The following CSMD1 variants were observed in gnomAD, a reference collection of about 807,000 sequenced individuals.
The protein encoded by CSMD1 is CUB and sushi domain-containing protein 1.
CSMD1 carries 213 observed loss-of-function variants against 417.5 expected under a neutral mutation model. The ratio of observed to expected loss-of-function variants is 0.51; its 90% CI spans 0.46 to 0.57. The LOEUF is 0.57. Ranked by LOEUF, CSMD1 falls within the 20% of genes least tolerant of loss-of-function variation. The pLI is 0.00. For missense variants in CSMD1, 6,923 were observed against 4,529.7 expected, an observed-to-expected ratio of 1.53 and a Z score of -15.17; for synonymous variants, 2,862 against 1,736.8, an observed-to-expected ratio of 1.65 and a Z score of -16.11.
chr8:4,854,336 C>G (rs1198998470), intron 1 of CSMD1, among the ~76,000 whole-genome samples: 1 of 152,160 alleles, frequency 6.6e-6, no homozygotes, highest in African/African-American at 2.4e-5. Flanking sequence ...AAATGGCTTC[C>G]TGCTGTCCTC....
chr8:3,949,323 G>C (rs1462585651), intron 5 of CSMD1, among the ~76,000 whole-genome samples: 1 of 152,096 alleles, frequency 6.6e-6, no homozygotes, highest in Non-Finnish European at 1.5e-5. Context: ...TCACTGAAAT[G>C]TTGTAGCCTC....
chr8:4,393,866 C>T (rs1411419015), intron 3 of CSMD1, among the ~76,000 whole-genome samples: 1 of 152,156 alleles, frequency 6.6e-6, no homozygotes, highest in Admixed American at 6.6e-5. Context: ...ACATGGAGCA[C>T]ACGGAACAAC....
intron 25 of CSMD1, among the ~76,000 whole-genome samples, chr8:3,294,278 C>T (rs1803798426): frequency 2.0e-5 from 3 of 152,228 alleles, no homozygotes; most frequent in Admixed American, 2.0e-4. Context: ...TCAGGGACCC[C>T]CTTGAGGAGG....
At chr8:3,232,842 A>G (rs941227645) in intron 26 of CSMD1, among the ~76,000 whole-genome samples, 4 of 152,008 alleles carry the variant, frequency 2.6e-5, no homozygotes, top group African/African-American at 9.7e-5. Context: ...GACTTTCTAG[A>G]AATTTCAGTA....
chr8:3,137,509 A>C (rs1415503340), intron 41 of CSMD1, among the ~76,000 whole-genome samples: 1 of 152,230 alleles, frequency 6.6e-6, no homozygotes, highest in South Asian at 2.1e-4. Flanking sequence ...CGTCACCTTC[A>C]TGCAGTGTAT....
intron 3 of CSMD1, among the ~76,000 whole-genome samples, chr8:4,239,092 T>C (rs1040859748): frequency 2.0e-5 from 3 of 152,200 alleles, no homozygotes; most frequent in Admixed American, 1.3e-4. Context: ...TTATGTCACA[T>C]AGTATTTTCT....
At chr8:4,398,584 A>T (rs1253537151) in intron 3 of CSMD1, among the ~76,000 whole-genome samples, 1 of 151,400 alleles carries the variant, frequency 6.6e-6, no homozygotes, top group Non-Finnish European at 1.5e-5. Flanking sequence ...TTTAGTAGAG[A>T]CGGGGTTTCA....
chr8:4,980,496 G>A (rs1178620257), intron 1 of CSMD1, among the ~76,000 whole-genome samples: 5 of 152,220 alleles, frequency 3.3e-5, no homozygotes, highest in African/African-American at 1.2e-4. Flanking sequence ...ACTGTAAAAT[G>A]AAAGGAGAAT....
chr8:4,682,030 T>C (rs989323596), intron 1 of CSMD1, among the ~76,000 whole-genome samples: 11 of 152,188 alleles, frequency 7.2e-5, no homozygotes, highest in Admixed American at 6.5e-4. Flanking sequence ...TTTGTTGTTG[T>C]TATTTTGAGA....
At chr8:4,032,231 G>A (rs532720112) in intron 3 of CSMD1, 132 bp from the exon 4 acceptor site, 15 of 629,062 alleles carry the variant, frequency 2.4e-5, no homozygotes, top group African/African-American at 2.0e-4. Flanking sequence ...AATATTAATT[G>A]TTGCTAAAAA....
intron 12 of CSMD1, among the ~76,000 whole-genome samples, chr8:3,467,068 G>A (rs960308002): frequency 6.6e-6 from 1 of 152,236 alleles, no homozygotes; most frequent in East Asian, 1.9e-4. Flanking sequence ...AGCCATCTCA[G>A]GGTGGCTACT....
At chr8:2,945,759 C>A (rs987900475) in intron 68 of CSMD1, among the ~76,000 whole-genome samples, 9 of 152,104 alleles carry the variant, frequency 5.9e-5, no homozygotes. Flanking sequence ...TCCTTCCACA[C>A]GTTATTATTG....
chr8:4,744,271 T>C (rs1360370348), intron 1 of CSMD1, among the ~76,000 whole-genome samples: 1 of 152,130 alleles, frequency 6.6e-6, no homozygotes, highest in Non-Finnish European at 1.5e-5. Flanking sequence ...GGCTTGAACT[T>C]TGCCTTTTTA....
chr8:3,162,091 T>C, intron 38 of CSMD1, 68 bp downstream of exon 38: 1 of 997,908 alleles, frequency 1.0e-6, no homozygotes, highest in Non-Finnish European at 1.6e-6. Flanking sequence ...GTGAGGGCTT[T>C]GGCTTTAAGA....
rs373027189 is a variant in CSMD1 at position 4,384,328 on chromosome 8, G to A, written c.415+35625C>T. On this transcript the variant is annotated intron_variant, in intron 3 of 69. Coordinates refer to ENST00000635120, the MANE Select transcript of CSMD1 (RefSeq NM_033225.6). Reference sequence around the variant, plus strand: ...AGGGCAGTTCCGAAATCTACCTCATGGCAACGCACACACCACAATGCAACG... The same window carrying A: ...AGGGCAGTTCCGAAATCTACCTCATAGCAACGCACACACCACAATGCAACG... Among the ~76,000 whole-genome samples, 11 of 152,146 alleles carry A rather than the reference G, an allele frequency of 7.2e-5. No individual in the cohort carries two copies. The East Asian group carries it at 1.2e-3, about 16-fold the overall frequency.
chr8:4,188,532 G>A (rs1798817680), intron 3 of CSMD1, among the ~76,000 whole-genome samples: 2 of 152,080 alleles, frequency 1.3e-5, no homozygotes. Flanking sequence ...TTTATTTGAG[G>A]CTGTCTTTAG....
At chr8:4,621,159 T>G (rs9650517) in intron 2 of CSMD1, among the ~76,000 whole-genome samples, 7 of 152,190 alleles carry the variant, frequency 4.6e-5, no homozygotes, top group South Asian at 4.1e-4. Context: ...TTTTCGAATT[T>G]TGGAATATAT....
intron 10 of CSMD1, among the ~76,000 whole-genome samples, chr8:3,554,031 A>G (rs1232418671): frequency 1.3e-5 from 2 of 152,194 alleles, no homozygotes; most frequent in Non-Finnish European, 2.9e-5. Context: ...AAAATAAGTA[A>G]ACATTATAGT....
intron 49 of CSMD1, among the ~76,000 whole-genome samples, chr8:3,076,826 T>G (rs1309448807): frequency 6.6e-6 from 1 of 152,160 alleles, no homozygotes; most frequent in Non-Finnish European, 1.5e-5. Context: ...CTGCCTTTTC[T>G]TTAAGAAGTG....
Sources: allele counts gnomAD v4.1 joint callset (sites outside exome capture counted in the v4.1 genomes callset), GRCh38; gene constraint gnomAD v4.1.1; transcripts MANE v1.5; gene names NCBI Gene and HGNC (gene_info 2026-07-23, HGNC 2026-07-21).